The following AFAP1 variants were observed in gnomAD, a reference collection of about 807,000 sequenced individuals.
AFAP1 encodes the protein actin filament-associated protein 1.
A neutral mutation model predicts 93.9 loss-of-function variants in AFAP1; 75 were observed. The ratio of observed to expected loss-of-function variants is 0.80; its 90% CI spans 0.66 to 0.97. The LOEUF (loss-of-function observed/expected upper bound fraction) is 0.97, where lower values mean the gene tolerates loss of function less well. Ranked by LOEUF, AFAP1 falls within the 50% of genes least tolerant of loss-of-function variation. AFAP1 has a pLI of 0.00. For missense variants in AFAP1, 1,201 were observed against 1,050.8 expected, an observed-to-expected ratio of 1.14 and a Z score of -1.98; for synonymous variants, 517 against 430.7, an observed-to-expected ratio of 1.20 and a Z score of -2.48.
At chr4:7,848,961 A>G (rs1714119805) in intron 4 of AFAP1, among the ~76,000 whole-genome samples, 1 of 152,250 alleles carries the variant, frequency 6.6e-6, no homozygotes, top group East Asian at 1.9e-4. Context: ...CATCAGGCAC[A>G]TCAGAGCCAG....
chr4:7,886,919 C>G (rs1718170400), intron 1 of AFAP1, among the ~76,000 whole-genome samples: 1 of 152,178 alleles, frequency 6.6e-6, no homozygotes, highest in Admixed American at 6.5e-5. Context: ...TTATTAAACA[C>G]TATGTTCACA....
At chr4:7,892,723 G>T (rs1004934035) in intron 1 of AFAP1, among the ~76,000 whole-genome samples, 3 of 152,048 alleles carry the variant, frequency 2.0e-5, no homozygotes, top group African/African-American at 7.2e-5. Flanking sequence ...CTTTCCCACC[G>T]AACAAACCAC....
intron 1 of AFAP1, among the ~76,000 whole-genome samples, chr4:7,937,433 C>G (rs1452655312): frequency 1.3e-5 from 2 of 152,154 alleles, no homozygotes; most frequent in Non-Finnish European, 2.9e-5. Context: ...AAATGAAGCC[C>G]AGAAGAGAAG....
chr4:7,812,238 C>G (rs946898375), intron 8 of AFAP1, among the ~76,000 whole-genome samples: 1 of 152,122 alleles, frequency 6.6e-6, no homozygotes, highest in Non-Finnish European at 1.5e-5. Context: ...AGCCCGAGTG[C>G]CCGGGGCACC....
At chr4:7,811,794 A>G (rs1450088267) in intron 8 of AFAP1, among the ~76,000 whole-genome samples, 3 of 152,152 alleles carry the variant, frequency 2.0e-5, no homozygotes, top group Non-Finnish European at 4.4e-5. Context: ...GTCTAAATGC[A>G]TGTTGTTTCA....
chr4:7,785,940 A>G (rs1473317303), intron 12 of AFAP1, among the ~76,000 whole-genome samples: 1 of 152,202 alleles, frequency 6.6e-6, no homozygotes. Context: ...CTACCTCAAC[A>G]CCAACAGAAA....
chr4:7,798,159 G>A (rs1269731929), intron 10 of AFAP1, among the ~76,000 whole-genome samples: 1 of 107,572 alleles, frequency 9.3e-6, no homozygotes, highest in East Asian at 2.6e-4. Context: ...TCACGGCACT[G>A]CAACTCTACT....
chr4:7,768,384 C>T (rs967454320), intron 17 of AFAP1, among the ~76,000 whole-genome samples: 2 of 152,206 alleles, frequency 1.3e-5, no homozygotes, highest in Admixed American at 6.5e-5. Context: ...CCTCCGAGGC[C>T]CTCAGAGCCC....
At chr4:7,853,773 T>C (rs58893476) in intron 4 of AFAP1, among the ~76,000 whole-genome samples, 10,965 of 152,280 alleles carry the variant, frequency 0.072, 744 homozygotes, top group African/African-American at 0.18. Context: ...AGTCAACCCA[T>C]GGCTGTTGCT....
At chr4:7,824,746 G>C (rs951761263) in intron 6 of AFAP1, among the ~76,000 whole-genome samples, 2 of 152,184 alleles carry the variant, frequency 1.3e-5, no homozygotes, top group African/African-American at 4.8e-5. Flanking sequence ...AGGCCGGGAA[G>C]GCTGAGGGAA....
chr4:7,760,707 G>GATGACACCTTAACAAAAT lies in AFAP1; in HGVS notation c.*3040_*3057dup, dbSNP rs1383583411. ...AATATATAAATGGAGGTTGAAGGCT[G>GATGACACCTTAACAAAAT]ATGACACCTTAACAAAATAGAGCCA... On this transcript the variant is annotated 3_prime_UTR_variant, in exon 18 of 18. Transcript: ENST00000420658. The GATGACACCTTAACAAAAT allele has an allele frequency of 1.3e-5, 2 of 152,242 alleles. No individual in the cohort carries two copies. Among genetic ancestry groups the GATGACACCTTAACAAAAT allele is most frequent in the Non-Finnish European group, 2.9e-5 (2 of 68,040 alleles). The allele number at this position is 152,242 out of a possible 1,614,324, so 9.4% of individuals were successfully genotyped here.
chr4:7,921,449 C>A (rs770412930), intron 1 of AFAP1, among the ~76,000 whole-genome samples: 4 of 150,886 alleles, frequency 2.7e-5, no homozygotes, highest in East Asian at 2.0e-4. Context: ...CCTCTCAAAG[C>A]GCTAGGATTA....
rs753040534 is a variant in AFAP1 at position 7,768,854 on chromosome 4, C to A, written c.2408G>T (p.Arg803Leu). 1.1e-5 allele frequency: 17 copies of A among 1,598,252 alleles called. No individual in the cohort carries two copies. The African/African-American group carries it at 1.2e-4, about 11-fold the overall frequency. Residue 803 changes from arginine (R) to leucine (L), a missense_variant, in exon 17 of 18, where the codon CGG (arginine) becomes CTG (leucine). Arg to Leu is a moderately radical substitution (Grantham distance 102). Transcript: ENST00000420658. ...GSSPCRGHVL[R>L]KAKEWELKNG... ...GACATCAGGGCTTACCTTGGCCTTCCGCAGCACATGCCCTCGGCAGGGGGA... is the reference window on the plus strand; with the variant it reads ...GACATCAGGGCTTACCTTGGCCTTCAGCAGCACATGCCCTCGGCAGGGGGA...
At chr4:7,846,417 C>T (rs28470731) in intron 4 of AFAP1, among the ~76,000 whole-genome samples, 62,783 of 152,058 alleles carry the variant, frequency 0.41, 14,792 homozygotes, top group Non-Finnish European at 0.53. Flanking sequence ...GACCGCAGAT[C>T]GCGTGCTGTG....
At chr4:7,789,515 ATG>A (rs1717639864) in intron 11 of AFAP1, among the ~76,000 whole-genome samples, 2 of 135,052 alleles carry the variant, frequency 1.5e-5, no homozygotes, top group East Asian at 2.1e-4. Context: ...GCATCTCCCC[ATG>A]CTCCGCACAA....
At chr4:7,901,641 C>A (rs1292573110) in intron 1 of AFAP1, among the ~76,000 whole-genome samples, 1 of 152,178 alleles carries the variant, frequency 6.6e-6, no homozygotes, top group Non-Finnish European at 1.5e-5. Flanking sequence ...GGTGCAGAGC[C>A]AGGGAAGGAC....
rs1385246379 is a variant in AFAP1, at chr4:7,763,717, A to C, written c.*48T>G. On this transcript the variant is annotated 3_prime_UTR_variant, in exon 18 of 18. Coordinates refer to ENST00000420658, the MANE Select transcript of AFAP1 (RefSeq NM_001134647.2). ...CCTGCCGTCACACAGATGAGGATAC[A>C]GGCAAGGGGGTGTGCAGTCTCTGAG... The C allele has an allele frequency of 5.8e-6, 9 of 1,550,586 alleles. No homozygotes were observed. Among genetic ancestry groups the C allele is most frequent in the Non-Finnish European group, 7.9e-6 (9 of 1,146,072 alleles).
At position 7,822,232 on chromosome 4, in the gene AFAP1, T is replaced by TTGC. The variant is rs958348637; in HGVS notation, c.727-3064_727-3062dup. ...TGGGTTTAAACCCCAGGTGGACCACTTGCTGTTTATGTGAAGCTGAGCAAT... is the reference window on the plus strand; with the variant it reads ...TGGGTTTAAACCCCAGGTGGACCACTTGCTGCTGTTTATGTGAAGCTGAGCAAT... On this transcript the variant is annotated intron_variant, in intron 6 of 17. Transcript: ENST00000420658. Among the ~76,000 whole-genome samples the TTGC allele has an allele frequency of 6.0e-4, 91 of 152,138 alleles. 1 individual carries two copies. The highest frequency in any genetic ancestry group is 2.1e-3 in the African/African-American group (86 of 41,434).
intron 1 of AFAP1, among the ~76,000 whole-genome samples, chr4:7,905,870 G>A (rs149955592): frequency 8.7e-4 from 132 of 152,324 alleles, no homozygotes; most frequent in African/African-American, 3.1e-3. Flanking sequence ...TTACCAAACA[G>A]CCTGCAGTGT....
Sources: allele counts gnomAD v4.1 joint callset (sites outside exome capture counted in the v4.1 genomes callset), GRCh38; gene constraint gnomAD v4.1.1; transcripts MANE v1.5; gene names NCBI Gene and HGNC (gene_info 2026-07-23, HGNC 2026-07-21).